Variants in VTI1A observed in about 807,000 individuals in gnomAD.
VTI1A encodes vesicle transport through interaction with t-SNAREs homolog 1A.
In VTI1A, 22 loss-of-function variants were observed where a neutral mutation model predicts 34.9. That is an observed-to-expected ratio of 0.63 (90% confidence interval 0.45 to 0.90). VTI1A has a LOEUF of 0.90. Ranked by LOEUF, VTI1A falls within the 40% of genes least tolerant of loss-of-function variation. VTI1A has a pLI of 0.00. For missense variants in VTI1A, 268 were observed against 275.6 expected, an observed-to-expected ratio of 0.97 and a Z score of 0.20; for synonymous variants, 87 against 97.3, an observed-to-expected ratio of 0.89 and a Z score of 0.62.
intron 3 of VTI1A, among the ~76,000 whole-genome samples, chr10:112,477,901 T>G (rs1325191193): frequency 1.3e-5 from 2 of 152,222 alleles, no homozygotes; most frequent in Non-Finnish European, 2.9e-5. Context: ...TCATCTGAAG[T>G]AAGGCTAGAG....
intron 5 of VTI1A, among the ~76,000 whole-genome samples, chr10:112,640,447 A>G (rs1342203143): frequency 1.3e-5 from 2 of 151,806 alleles, no homozygotes; most frequent in African/African-American, 2.4e-5. Flanking sequence ...TCCTGCTCCC[A>G]CCTCTCATGG....
At chr10:112,794,556 A>G (rs1375792507) in intron 7 of VTI1A, among the ~76,000 whole-genome samples, 1 of 152,098 alleles carries the variant, frequency 6.6e-6, no homozygotes, top group African/African-American at 2.4e-5. Context: ...TGCCTCTAAA[A>G]AATAATAATA....
At chr10:112,805,157 G>A (rs915505980) in intron 7 of VTI1A, among the ~76,000 whole-genome samples, 1 of 151,982 alleles carries the variant, frequency 6.6e-6, no homozygotes, top group African/African-American at 2.4e-5. Flanking sequence ...GTGAGCCACT[G>A]TGCCCAGCCA....
chr10:112,688,513 A>AT (rs1256917156), intron 7 of VTI1A, among the ~76,000 whole-genome samples: 2 of 121,866 alleles, frequency 1.6e-5, no homozygotes, highest in East Asian at 2.6e-4. Context: ...ACTAATGTCA[A>AT]TTTTTTTCTT....
At chr10:112,831,092 G>A in the VTI1A span, 12 of 151,548 alleles carry the variant, frequency 7.9e-5, no homozygotes, top group Non-Finnish European at 1.5e-4. Flanking sequence ...TGTGGAGGCT[G>A]GTACAAGGCC....
At chr10:112,536,762 C>G (rs1850636537) in intron 4 of VTI1A, among the ~76,000 whole-genome samples, 1 of 150,252 alleles carries the variant, frequency 6.7e-6, no homozygotes, top group African/African-American at 2.4e-5. Context: ...ACCCTTCCCC[C>G]CAAAAAAATT....
intron 3 of VTI1A, among the ~76,000 whole-genome samples, chr10:112,470,015 A>G (rs573675464): frequency 6.6e-6 from 1 of 152,250 alleles, no homozygotes; most frequent in Non-Finnish European, 1.5e-5. Context: ...TGCGGGGCTC[A>G]TTTCACATGT....
chr10:112,744,095 T>C (rs1195796162), intron 7 of VTI1A, among the ~76,000 whole-genome samples: 1 of 152,230 alleles, frequency 6.6e-6, no homozygotes, highest in African/African-American at 2.4e-5. Context: ...AAATTGCCAG[T>C]ATTCACTTGT....
intron 3 of VTI1A, among the ~76,000 whole-genome samples, chr10:112,498,597 C>T (rs558840605): frequency 1.3e-5 from 2 of 151,948 alleles, no homozygotes; most frequent in East Asian, 3.9e-4. Context: ...CCATAATTTG[C>T]AAATATATTT....
chr10:112,489,288 T>C (rs565343832), intron 3 of VTI1A, among the ~76,000 whole-genome samples: 2 of 152,320 alleles, frequency 1.3e-5, no homozygotes, highest in African/African-American at 4.8e-5. Flanking sequence ...CCTGGACTTA[T>C]TGGAAGATAC....
chr10:112,481,315 A>T (rs955142276), intron 3 of VTI1A, among the ~76,000 whole-genome samples: 7 of 152,322 alleles, frequency 4.6e-5, no homozygotes, highest in South Asian at 4.1e-4. Context: ...CGACTGAATA[A>T]TGTTTCTGCT....
intron 1 of VTI1A, 47 bp from the exon 2 acceptor site, chr10:112,460,477 A>G (rs776872018): frequency 6.5e-7 from 1 of 1,532,592 alleles, no homozygotes; most frequent in Non-Finnish European, 8.8e-7. Flanking sequence ...AAAATATTAA[A>G]TTTATTTGTA....
At chr10:112,821,671 CT>C (rs1853658271), downstream of VTI1A, among the ~76,000 whole-genome samples, 1 of 152,216 alleles carries the variant, frequency 6.6e-6, no homozygotes, top group African/African-American at 2.4e-5. Flanking sequence ...TTACTCTCCC[CT>C]GTCTCATCCC....
intron 3 of VTI1A, among the ~76,000 whole-genome samples, chr10:112,511,795 A>G (rs1209756103): frequency 6.6e-6 from 1 of 152,126 alleles, no homozygotes; most frequent in Non-Finnish European, 1.5e-5. Context: ...TTTAGTTCCC[A>G]CATATAAGTG....
chr10:112,850,797 C>T, the VTI1A span, among the ~76,000 whole-genome samples: 2 of 152,184 alleles, frequency 1.3e-5, no homozygotes, highest in African/African-American at 4.8e-5. Flanking sequence ...GATAGCAACA[C>T]CAGCGCCTTC....
intron 5 of VTI1A, among the ~76,000 whole-genome samples, chr10:112,598,227 G>C (rs1284253317): frequency 1.3e-5 from 2 of 152,104 alleles, no homozygotes; most frequent in Non-Finnish European, 2.9e-5. Flanking sequence ...TTGATTTTTG[G>C]CTGTCTTCAG....
chr10:112,518,607 A>ATG, intron 3 of VTI1A, among the ~76,000 whole-genome samples: 1 of 141,800 alleles, frequency 7.1e-6, no homozygotes, highest in South Asian at 2.2e-4. Flanking sequence ...ATATATATAT[A>ATG]TATATGTGTG....
At chr10:112,499,181 A>G (rs762207228) in intron 3 of VTI1A, among the ~76,000 whole-genome samples, 1 of 152,196 alleles carries the variant, frequency 6.6e-6, no homozygotes, top group Admixed American at 6.5e-5. Context: ...TTGCAATACT[A>G]TGATAGATAT....
chr10:112,540,051 G>T (rs1850804794), intron 5 of VTI1A, among the ~76,000 whole-genome samples: 1 of 152,096 alleles, frequency 6.6e-6, no homozygotes, highest in Non-Finnish European at 1.5e-5. Flanking sequence ...CATGGGGCTG[G>T]TTCAGACTCA....
Sources: allele counts gnomAD v4.1 joint callset (sites outside exome capture counted in the v4.1 genomes callset), GRCh38; gene constraint gnomAD v4.1.1; transcripts MANE v1.5; gene names NCBI Gene and HGNC (gene_info 2026-07-23, HGNC 2026-07-21).